The following ARHGAP10 variants were observed in gnomAD, a reference collection of about 807,000 sequenced individuals.
The protein encoded by ARHGAP10 is rho GTPase-activating protein 10.
In ARHGAP10, 87 loss-of-function variants were observed where a neutral mutation model predicts 108.6. That is an observed-to-expected ratio of 0.80 (90% CI 0.67 to 0.96). The LOEUF is 0.96. Among genes scored for constraint, ARHGAP10 ranks in the 40% least tolerant of loss-of-function variants. The pLI is 0.00. For missense variants in ARHGAP10, 939 were observed against 954.5 expected, an observed-to-expected ratio of 0.98 and a Z score of 0.21; for synonymous variants, 347 against 341.1, an observed-to-expected ratio of 1.02 and a Z score of -0.19.
At chr4:147,740,992 A>T (rs1050241975) in intron 1 of ARHGAP10, among the ~76,000 whole-genome samples, 2 of 152,196 alleles carry the variant, frequency 1.3e-5, no homozygotes, top group East Asian at 1.9e-4. Flanking sequence ...GCATGTGTTT[A>T]AACTTTATAT....
At chr4:147,841,082 C>G (rs1193770969) in intron 3 of ARHGAP10, among the ~76,000 whole-genome samples, 1 of 152,224 alleles carries the variant, frequency 6.6e-6, no homozygotes, top group Non-Finnish European at 1.5e-5. Context: ...GCTACCACAG[C>G]AGAGATGAGT....
chr4:147,957,108 GAT>G (rs1560844630), intron 16 of ARHGAP10, among the ~76,000 whole-genome samples: 2 of 152,154 alleles, frequency 1.3e-5, no homozygotes, highest in African/African-American at 4.8e-5. Flanking sequence ...GGAATGCTGT[GAT>G]AGTCTTCACA....
chr4:147,853,532 A>G (rs1373991268), intron 4 of ARHGAP10, among the ~76,000 whole-genome samples: 2 of 152,244 alleles, frequency 1.3e-5, no homozygotes, highest in Non-Finnish European at 2.9e-5. Context: ...GGTACCCTAT[A>G]GAAAAATGGG....
chr4:147,931,098 T>A (rs1386235535), intron 13 of ARHGAP10, among the ~76,000 whole-genome samples: 1 of 152,114 alleles, frequency 6.6e-6, no homozygotes, highest in Non-Finnish European at 1.5e-5. Context: ...TTTGACCCTC[T>A]CCTCTAGGAA....
chr4:147,784,197 GTATTATATATTTTA>G, intron 1 of ARHGAP10, among the ~76,000 whole-genome samples: 1 of 75,870 alleles, frequency 1.3e-5, no homozygotes, highest in South Asian at 5.8e-4. Context: ...ATTAAATTGT[GTATTATATATTTTA>G]CATAACATTA....
chr4:148,049,592 C>G (rs1382597250), intron 20 of ARHGAP10, among the ~76,000 whole-genome samples: 1 of 152,020 alleles, frequency 6.6e-6, no homozygotes, highest in Non-Finnish European at 1.5e-5. Context: ...GAAGTCTTCC[C>G]CATGCTGTAA....
At chr4:148,070,015 C>A (rs938568701) in intron 22 of ARHGAP10, among the ~76,000 whole-genome samples, 1 of 152,226 alleles carries the variant, frequency 6.6e-6, no homozygotes, top group African/African-American at 2.4e-5. Context: ...TGCCAGATCG[C>A]TTTGAGAGCA....
At chr4:147,781,453 T>A (rs1730527362) in intron 1 of ARHGAP10, among the ~76,000 whole-genome samples, 1 of 152,172 alleles carries the variant, frequency 6.6e-6, no homozygotes, top group Non-Finnish European at 1.5e-5. Flanking sequence ...ATATACACAT[T>A]TAAAAATACG....
At chr4:148,022,492 G>C (rs1741604967) in intron 18 of ARHGAP10, among the ~76,000 whole-genome samples, 1 of 152,172 alleles carries the variant, frequency 6.6e-6, no homozygotes, top group Non-Finnish European at 1.5e-5. Context: ...CTCTGAACTG[G>C]GGTCTCACAG....
intron 18 of ARHGAP10, among the ~76,000 whole-genome samples, chr4:148,004,570 C>G (rs1019634494): frequency 2.0e-5 from 3 of 152,210 alleles, no homozygotes; most frequent in Non-Finnish European, 2.9e-5. Context: ...TAATCAACCA[C>G]GTGAACTGTC....
intron 18 of ARHGAP10, among the ~76,000 whole-genome samples, chr4:147,992,039 G>A (rs187697820): frequency 6.6e-6 from 1 of 152,176 alleles, no homozygotes; most frequent in Non-Finnish European, 1.5e-5. Flanking sequence ...TGGCCATTAC[G>A]GGTTAAGGAA....
chr4:147,831,786 A>G (rs1175620277), intron 3 of ARHGAP10, among the ~76,000 whole-genome samples: 3 of 152,198 alleles, frequency 2.0e-5, no homozygotes, highest in African/African-American at 7.2e-5. Flanking sequence ...ACTGACTCAG[A>G]ATCCTATAGA....
intron 7 of ARHGAP10, among the ~76,000 whole-genome samples, chr4:147,871,574 T>C (rs939955913): frequency 6.6e-6 from 1 of 152,212 alleles, no homozygotes; most frequent in Admixed American, 6.5e-5. Flanking sequence ...CAGTGATCTT[T>C]TATTGGAAAG....
chr4:148,060,209 T>C (rs1320941277), intron 20 of ARHGAP10, among the ~76,000 whole-genome samples: 1 of 152,162 alleles, frequency 6.6e-6, no homozygotes, highest in Non-Finnish European at 1.5e-5. Context: ...AAACTAATAC[T>C]TTCCTCTACC....
chr4:147,773,305 C>T (rs1347520593), intron 1 of ARHGAP10, among the ~76,000 whole-genome samples: 1 of 151,976 alleles, frequency 6.6e-6, no homozygotes, highest in African/African-American at 2.4e-5. Context: ...GTAAGTTCAC[C>T]CAGTTCATCA....
At chr4:147,879,123 C>A in intron 8 of ARHGAP10, 109 bp from the exon 9 acceptor site, 1 of 778,796 alleles carries the variant, frequency 1.3e-6, no homozygotes, top group Non-Finnish European at 2.0e-6. Context: ...ATTGATTCAG[C>A]TGTATTCGTT....
At chr4:148,066,076 A>G (rs1729861769) in intron 22 of ARHGAP10, among the ~76,000 whole-genome samples, 1 of 151,750 alleles carries the variant, frequency 6.6e-6, no homozygotes, top group Non-Finnish European at 1.5e-5. Context: ...CAAAGATGTT[A>G]TCAAAGACCA....
At chr4:147,780,447 C>G (rs1730484761) in intron 1 of ARHGAP10, among the ~76,000 whole-genome samples, 1 of 152,108 alleles carries the variant, frequency 6.6e-6, no homozygotes, top group Admixed American at 6.6e-5. Context: ...GCCCGGTCAG[C>G]AGGCTTGAAG....
chr4:148,059,985 A>AGAGAGAGAGAGGG (rs1560897866), intron 20 of ARHGAP10, among the ~76,000 whole-genome samples: 1 of 143,734 alleles, frequency 7.0e-6, no homozygotes, highest in African/African-American at 2.5e-5. Context: ...AGAGAGAGAG[A>AGAGAGAGAGAGGG]GAGAGAGAGG....
Sources: allele counts gnomAD v4.1 joint callset (sites outside exome capture counted in the v4.1 genomes callset), GRCh38; gene constraint gnomAD v4.1.1; transcripts MANE v1.5; gene names NCBI Gene and HGNC (gene_info 2026-07-23, HGNC 2026-07-21).